TBCA: variants seen among roughly 807,000 people sequenced by gnomAD.
TBCA encodes tubulin-specific chaperone A.
Under a neutral mutation model 15.8 loss-of-function variants are expected in TBCA, and 6 were observed. That is an observed-to-expected ratio of 0.38 (90% confidence interval 0.21 to 0.75). The LOEUF (loss-of-function observed/expected upper bound fraction) is 0.75. Ranked by LOEUF, TBCA falls within the 30% of genes least tolerant of loss-of-function variation. The pLI, the probability that TBCA is intolerant of heterozygous loss-of-function variation, is 0.46. For synonymous variants in TBCA, 32 were observed against 42.3 expected (o/e 0.76, Z 0.94); for missense variants, 90 against 131.2 (o/e 0.69, Z 1.53).
At chr5:77,697,167 A>T (rs1231625577) in intron 2 of TBCA, among the ~76,000 whole-genome samples, 1 of 152,224 alleles carries the variant, frequency 6.6e-6, no homozygotes, top group African/African-American at 2.4e-5. Flanking sequence ...TCAATACCCC[A>T]CTCTCAGCAA....
intron 1 of TBCA, among the ~76,000 whole-genome samples, chr5:77,740,216 TACTAGGTTATA>T (rs1465114773): frequency 6.6e-6 from 1 of 152,172 alleles, no homozygotes; most frequent in Non-Finnish European, 1.5e-5. Context: ...GATAGCAGGG[TACTAGGTTATA>T]ACCTTATAAA....
intron 1 of TBCA, among the ~76,000 whole-genome samples, chr5:77,713,097 C>T (rs1228812919): frequency 6.6e-6 from 1 of 152,110 alleles, no homozygotes; most frequent in South Asian, 2.1e-4. Flanking sequence ...AGTCTGAGAC[C>T]AACCTGGGCA....
intron 1 of TBCA, among the ~76,000 whole-genome samples, chr5:77,748,804 T>C (rs1474161637): frequency 6.6e-6 from 1 of 152,218 alleles, no homozygotes; most frequent in African/African-American, 2.4e-5. Flanking sequence ...AATTAACACA[T>C]ATTTTGTACG....
intron 1 of TBCA, among the ~76,000 whole-genome samples, chr5:77,727,922 G>A (rs963249296): frequency 3.9e-5 from 6 of 152,142 alleles, no homozygotes; most frequent in African/African-American, 1.4e-4. Context: ...AAAGCTAAGA[G>A]TGAAGGCAGG....
chr5:77,699,129 A>T (rs1371061461), intron 2 of TBCA, among the ~76,000 whole-genome samples: 1 of 151,830 alleles, frequency 6.6e-6, no homozygotes, highest in Non-Finnish European at 1.5e-5. Flanking sequence ...TGATGAAGGA[A>T]ATCAGACCTA....
intron 1 of TBCA, among the ~76,000 whole-genome samples, chr5:77,771,902 A>C (rs370721876): frequency 2.0e-5 from 3 of 152,172 alleles, no homozygotes; most frequent in African/African-American, 7.2e-5. Context: ...AGTTGCTCTC[A>C]ATTTCTAGAG....
At chr5:77,718,919 T>TC (rs1746468025) in intron 1 of TBCA, among the ~76,000 whole-genome samples, 1 of 152,274 alleles carries the variant, frequency 6.6e-6, no homozygotes, top group South Asian at 2.1e-4. Context: ...CATCAATCCT[T>TC]CCACTCTCCC....
At chr5:77,748,958 A>G (rs1747252346) in intron 1 of TBCA, among the ~76,000 whole-genome samples, 1 of 152,214 alleles carries the variant, frequency 6.6e-6, no homozygotes, top group Admixed American at 6.5e-5. Flanking sequence ...TTACAAGAGG[A>G]ACCATCTGCC....
intron 1 of TBCA, among the ~76,000 whole-genome samples, chr5:77,710,937 T>C (rs538887090): frequency 6.6e-6 from 1 of 152,322 alleles, no homozygotes; most frequent in East Asian, 1.9e-4. Flanking sequence ...AAACCTGGTA[T>C]GTGACTAAAT....
rs1323473457 is a variant in TBCA at position 77,712,757 on chromosome 5, T to C, written c.54-4410A>G. Among the ~76,000 whole-genome samples the C allele has an allele frequency of 2.0e-5, 3 of 152,198 alleles. No homozygotes were observed. In the South Asian group the frequency reaches 6.2e-4, roughly 31 times the overall value. ...TATAGAATTTATGTGTACCATCTAA[T>C]GTGAATAGTTACGTTTCACTGCAGA... On this transcript the variant is annotated intron_variant, in intron 1 of 3. Coordinates refer to ENST00000380377, the MANE Select transcript of TBCA (RefSeq NM_004607.3).
intron 1 of TBCA, among the ~76,000 whole-genome samples, chr5:77,709,427 T>A (rs1746224418): frequency 6.6e-6 from 1 of 152,182 alleles, no homozygotes. Flanking sequence ...TATAAAAGTA[T>A]AGTCTAAGAA....
chr5:77,721,456 GAA>G (rs1418544052), intron 1 of TBCA, among the ~76,000 whole-genome samples: 3 of 152,030 alleles, frequency 2.0e-5, no homozygotes, highest in South Asian at 4.1e-4. Flanking sequence ...TTGTACAAAA[GAA>G]TGACAAAATA....
At chr5:77,709,037 C>G (rs1746214973) in intron 1 of TBCA, among the ~76,000 whole-genome samples, 1 of 144,304 alleles carries the variant, frequency 6.9e-6, no homozygotes, top group African/African-American at 2.6e-5. Context: ...GTATCTGAAA[C>G]AGCACAATGA....
At chr5:77,751,593 A>G (rs1747343933) in intron 1 of TBCA, among the ~76,000 whole-genome samples, 1 of 151,954 alleles carries the variant, frequency 6.6e-6, no homozygotes, top group Non-Finnish European at 1.5e-5. Context: ...TTCTCCCCAG[A>G]GGAGATGTGG....
chr5:77,760,118 T>G (rs1389969739), intron 1 of TBCA, among the ~76,000 whole-genome samples: 1 of 152,040 alleles, frequency 6.6e-6, no homozygotes, highest in African/African-American at 2.4e-5. Context: ...GAGGGGAGGG[T>G]TGAAGAAAAG....
intron 2 of TBCA, among the ~76,000 whole-genome samples, chr5:77,696,490 T>C (rs1745873637): frequency 6.6e-6 from 1 of 152,158 alleles, no homozygotes; most frequent in Non-Finnish European, 1.5e-5. Context: ...TAAATGTAAA[T>C]GATGTAAATA....
chr5:77,716,377 CGACA>C (rs1319615452), intron 1 of TBCA, among the ~76,000 whole-genome samples: 1 of 151,976 alleles, frequency 6.6e-6, no homozygotes, highest in Non-Finnish European at 1.5e-5. Flanking sequence ...TGGTGAAGTT[CGACA>C]GACAGTTATG....
At chr5:77,703,728 C>T (rs1319105984) in intron 2 of TBCA, among the ~76,000 whole-genome samples, 1 of 152,066 alleles carries the variant, frequency 6.6e-6, no homozygotes, top group South Asian at 2.1e-4. Flanking sequence ...TGGGTGCACA[C>T]CACCACACCC....
rs200338508 is a variant in TBCA at position 77,750,147 on chromosome 5, T to TAGAG, written c.53+26057_53+26058insCTCT. ...CAAATTTGTGCTCTCTCTCTATATA[T>TAGAG]ATAGAGAGAGAGCACAAATATATAT... On this transcript the variant is annotated intron_variant, in intron 1 of 3. Transcript: ENST00000380377. 7.0e-3 allele frequency among the ~76,000 whole-genome samples: 1,059 copies of TAGAG among 150,626 alleles called. 14 individuals are homozygous for TAGAG. The highest frequency in any genetic ancestry group is 0.024 in the African/African-American group (985 of 40,668).
Sources: allele counts gnomAD v4.1 joint callset (sites outside exome capture counted in the v4.1 genomes callset), GRCh38; gene constraint gnomAD v4.1.1; transcripts MANE v1.5; gene names NCBI Gene and HGNC (gene_info 2026-07-23, HGNC 2026-07-21).